Variants in SHTN1 observed in about 807,000 individuals in gnomAD.
SHTN1 encodes shootin 1, also known as shootin-1.
A neutral mutation model predicts 83.1 loss-of-function variants in SHTN1; 42 were observed. That is an observed-to-expected ratio of 0.51 (90% CI 0.39 to 0.65). The LOEUF (loss-of-function observed/expected upper bound fraction) is 0.65. Among genes scored for constraint, SHTN1 ranks in the 30% least tolerant of loss-of-function variants. SHTN1 has a pLI of 0.00. For missense variants in SHTN1, 622 were observed against 737.8 expected, an observed-to-expected ratio of 0.84 and a Z score of 1.82; for synonymous variants, 224 against 247.7, an observed-to-expected ratio of 0.90 and a Z score of 0.90.
intron 1 of SHTN1, among the ~76,000 whole-genome samples, chr10:117,084,118 G>A (rs888553554): frequency 3.3e-5 from 5 of 152,076 alleles, no homozygotes; most frequent in East Asian, 1.9e-4. Flanking sequence ...GAGGAGAGGC[G>A]CTCTTATTTT....
intron 5 of SHTN1, among the ~76,000 whole-genome samples, chr10:116,953,623 GTT>G (rs759706275): frequency 5.4e-5 from 5 of 92,720 alleles, no homozygotes; most frequent in Non-Finnish European, 9.7e-5. Flanking sequence ...TTTGTGTTTT[GTT>G]TTTTTTTTTT....
intron 8 of SHTN1, among the ~76,000 whole-genome samples, chr10:116,943,936 G>A (rs1234572726): frequency 6.6e-6 from 1 of 152,044 alleles, no homozygotes; most frequent in Non-Finnish European, 1.5e-5. Flanking sequence ...TGAGCCCCAG[G>A]GCCATGGAAG....
Position 116,901,847 on chromosome 10 carries a change from T to C in SHTN1, c.1591A>G (p.Asn531Asp). Residue 531 changes from asparagine (N) to aspartate (D), a missense_variant, in exon 16 of 17, where the codon AAC becomes GAC. Asn to Asp is a conservative substitution (Grantham distance 23). Coordinates refer to ENST00000355371, the MANE Select transcript of SHTN1 (RefSeq NM_001127211.3). ...TCAGGTGTTGGGGGGGACGGGCTGT[T>C]GAATTCTGCCTCCAGAGTTTTCTTG... The part of the protein sequence containing the change: ...LNKKTLEAEF[N>D]SPSPPTPEPG... 6.2e-7 allele frequency: 1 copy of C among 1,605,920 alleles called. No homozygotes were observed. Among genetic ancestry groups the C allele is most frequent in the Non-Finnish European group, 8.5e-7 (1 of 1,177,764 alleles).
intron 1 of SHTN1, among the ~76,000 whole-genome samples, chr10:117,084,538 G>A (rs553158109): frequency 5.3e-5 from 8 of 152,224 alleles, no homozygotes; most frequent in Admixed American, 6.5e-5. Context: ...AGGCAGGCAG[G>A]CCTCCTTGAG....
chr10:117,020,588 A>G (rs1852246504), intron 2 of SHTN1, among the ~76,000 whole-genome samples: 1 of 151,996 alleles, frequency 6.6e-6, no homozygotes, highest in Non-Finnish European at 1.5e-5. Context: ...ATTTCAACAA[A>G]CAGAATGCCT....
At chr10:117,083,106 AG>A (rs1853296321) in intron 1 of SHTN1, among the ~76,000 whole-genome samples, 3 of 150,354 alleles carry the variant, frequency 2.0e-5, no homozygotes, top group African/African-American at 7.3e-5. Context: ...TTTGCTCGTT[AG>A]TTGATGCAGT....
At chr10:117,008,152 A>G (rs1034151789), upstream of SHTN1, among the ~76,000 whole-genome samples, 1 of 152,098 alleles carries the variant, frequency 6.6e-6, no homozygotes, top group Non-Finnish European at 1.5e-5. Flanking sequence ...GATAAAGGAC[A>G]GACTTTTAAA....
At chr10:117,038,431 C>T (rs1015163946) in intron 2 of SHTN1, among the ~76,000 whole-genome samples, 1 of 151,910 alleles carries the variant, frequency 6.6e-6, no homozygotes, top group African/African-American at 2.4e-5. Context: ...TGAGCCAATG[C>T]ACCCAGCCGC....
At chr10:116,902,100 T>C in intron 15 of SHTN1, 143 bp from the exon 16 acceptor site, 1 of 719,652 alleles carries the variant, frequency 1.4e-6, no homozygotes, top group Non-Finnish European at 2.2e-6. Context: ...TGGAAAATGT[T>C]GTTGGAAATC....
At chr10:116,958,581 G>A (rs1439647738) in intron 4 of SHTN1, among the ~76,000 whole-genome samples, 1 of 152,150 alleles carries the variant, frequency 6.6e-6, no homozygotes, top group African/African-American at 2.4e-5. Context: ...CACATCTAGA[G>A]CCAATGGATC....
At chr10:117,001,298 A>C (rs1230084102) in intron 1 of SHTN1, among the ~76,000 whole-genome samples, 1 of 152,206 alleles carries the variant, frequency 6.6e-6, no homozygotes, top group Non-Finnish European at 1.5e-5. Flanking sequence ...ATAGCTAATT[A>C]TACCATTCAC....
At chr10:116,926,531 T>C (rs1351164431) in intron 11 of SHTN1, among the ~76,000 whole-genome samples, 1 of 152,222 alleles carries the variant, frequency 6.6e-6, no homozygotes, top group Non-Finnish European at 1.5e-5. Flanking sequence ...GATTATGTCA[T>C]ACCCTACTCA....
chr10:117,033,129 A>T (rs1242862277), intron 2 of SHTN1, among the ~76,000 whole-genome samples: 1 of 152,176 alleles, frequency 6.6e-6, no homozygotes, highest in Non-Finnish European at 1.5e-5. Context: ...CATCTTAAAT[A>T]ACTAGAAAAG....
chr10:116,948,664 T>C (rs1255862744), intron 7 of SHTN1, among the ~76,000 whole-genome samples: 2 of 152,014 alleles, frequency 1.3e-5, no homozygotes, highest in Non-Finnish European at 2.9e-5. Context: ...AAGACAGAAA[T>C]AGTATTTCGG....
intron 2 of SHTN1, among the ~76,000 whole-genome samples, chr10:117,013,927 T>C (rs1215417768): frequency 6.6e-6 from 1 of 151,964 alleles, no homozygotes; most frequent in Non-Finnish European, 1.5e-5. Flanking sequence ...TGTGTATATA[T>C]ATATTTTTTT....
chr10:117,049,471 A>C (rs1422491219), intron 1 of SHTN1, among the ~76,000 whole-genome samples: 4 of 152,212 alleles, frequency 2.6e-5, no homozygotes, highest in Non-Finnish European at 5.9e-5. Flanking sequence ...GTGATGCTTG[A>C]AATTATTTGT....
intron 2 of SHTN1, among the ~76,000 whole-genome samples, chr10:116,971,729 C>T (rs1850627540): frequency 6.6e-6 from 1 of 152,190 alleles, no homozygotes; most frequent in African/African-American, 2.4e-5. Flanking sequence ...TTTAATGTTT[C>T]TTAATCTGGC....
chr10:116,975,309 GAGTT>G (rs1399667247), intron 2 of SHTN1, among the ~76,000 whole-genome samples: 4 of 152,150 alleles, frequency 2.6e-5, no homozygotes, highest in Non-Finnish European at 5.9e-5. Flanking sequence ...GCTTGTGAGA[GAGTT>G]AGAGAAGACT....
chr10:116,950,474 T>C (rs1849737036), intron 6 of SHTN1, among the ~76,000 whole-genome samples: 1 of 152,204 alleles, frequency 6.6e-6, no homozygotes, highest in Non-Finnish European at 1.5e-5. Flanking sequence ...AGCCCCATTA[T>C]TTTGTTCATT....
Sources: gnomAD v4.1 joint callset for allele counts (sites outside exome capture counted in the v4.1 genomes callset) on GRCh38, gnomAD v4.1.1 for gene constraint, MANE v1.5 for transcripts, NCBI Gene and HGNC (gene_info 2026-07-23, HGNC 2026-07-21) for gene names.